FAM53B: variants seen among roughly 807,000 people sequenced by gnomAD.
FAM53B encodes protein FAM53B.
In FAM53B, 12 loss-of-function variants were observed where a neutral mutation model predicts 32.7. The observed-to-expected ratio is 0.37, with a 90% CI of 0.24 to 0.59. FAM53B has a LOEUF of 0.59. FAM53B is among the 20% of genes least tolerant of loss of function. The probability of loss-of-function intolerance (pLI) is 0.72; values close to 1 mark genes in which losing one functional copy is unlikely to be tolerated. For missense variants in FAM53B, 477 were observed against 577.7 expected, an observed-to-expected ratio of 0.83 and a Z score of 1.79; for synonymous variants, 234 against 228.7, an observed-to-expected ratio of 1.02 and a Z score of -0.21.
At chr10:124,742,030 G>A (rs1950203288) in intron 1 of FAM53B, among the ~76,000 whole-genome samples, 1 of 152,164 alleles carries the variant, frequency 6.6e-6, no homozygotes, top group South Asian at 2.1e-4. Context: ...AAGAAAATAG[G>A]AAGTCGTTGG....
At position 124,706,786 on chromosome 10, in the gene FAM53B, G is replaced by T; in HGVS notation, c.-73C>A. 6.2e-7 allele frequency: 1 copy of T among 1,608,480 alleles called. No individual in the cohort carries two copies. Among genetic ancestry groups the T allele is most frequent in the Non-Finnish European group, 8.5e-7 (1 of 1,177,004 alleles). On this transcript the variant is annotated 5_prime_UTR_variant, in exon 2 of 5. Transcript: ENST00000337318. ...ATCTTCACTTGGGCAGACTTGGGGT[G>T]AGTACCTCCTGGGGAATTGATGTCA...
intron 4 of FAM53B, among the ~76,000 whole-genome samples, chr10:124,644,260 G>T (rs1301240464): frequency 3.9e-5 from 6 of 152,176 alleles, no homozygotes; most frequent in African/African-American, 1.4e-4. Context: ...GAGTTAGCTG[G>T]GCTAGCACAG....
intron 4 of FAM53B, among the ~76,000 whole-genome samples, chr10:124,638,357 GAC>G (rs1201858675): frequency 2.0e-5 from 3 of 151,818 alleles, no homozygotes; most frequent in Non-Finnish European, 4.4e-5. Context: ...CAGCCTGGGT[GAC>G]AGAGACTCCA....
chr10:124,619,467 GCAACACCCA>G lies in FAM53B; in HGVS notation c.*3766_*3774del, dbSNP rs1949289623. ...TGGTCGCCACACTTCCTGAAGCACGGCAACACCCACAACATCCAGCTCAGGGAAGCCCCT... is the reference window on the plus strand; with the variant it reads ...TGGTCGCCACACTTCCTGAAGCACGGCAACATCCAGCTCAGGGAAGCCCCT... On this transcript the variant is annotated 3_prime_UTR_variant, in exon 5 of 5. Transcript: ENST00000337318. 1 of 152,302 alleles carries G rather than the reference GCAACACCCA, an allele frequency of 6.6e-6. No individual in the cohort carries two copies. Among genetic ancestry groups the G allele is most frequent in the Admixed American group, 6.6e-5 (1 of 15,252 alleles). 9.4% of individuals were successfully genotyped at this position (152,302 alleles called of 1,614,324 possible).
At chr10:124,666,427 C>T (rs1949673235) in intron 4 of FAM53B, among the ~76,000 whole-genome samples, 1 of 152,260 alleles carries the variant, frequency 6.6e-6, no homozygotes, top group Admixed American at 6.5e-5. Context: ...GAAGAGCTCC[C>T]TGTGGATGGG....
chr10:124,733,454 G>C lies in FAM53B; in HGVS notation c.-175+10559C>G, dbSNP rs548074456. On this transcript the variant is annotated intron_variant, in intron 1 of 4. Coordinates refer to ENST00000337318, the MANE Select transcript of FAM53B (RefSeq NM_014661.4). The surrounding 1 kb of genome is among the most constrained non-coding windows in gnomAD (Gnocchi z 4.3). Reference sequence around the variant, plus strand: ...ACACTAGTGAGAACAGGCTATGACAGAGCCCAGGGGGCACCGAAGCTCCCT... The same window carrying C: ...ACACTAGTGAGAACAGGCTATGACACAGCCCAGGGGGCACCGAAGCTCCCT... Among the ~76,000 whole-genome samples the C allele has an allele frequency of 6.0e-4, 91 of 152,264 alleles. No individual in the cohort carries two copies. The highest frequency in any genetic ancestry group is 2.1e-3 in the African/African-American group (87 of 41,532).
chr10:124,626,272 G>A (rs768115354), intron 4 of FAM53B, among the ~76,000 whole-genome samples: 12 of 152,200 alleles, frequency 7.9e-5, no homozygotes, highest in Non-Finnish European at 1.5e-4. Context: ...GGTCCTGCTC[G>A]GAGCTTCCCA....
At position 124,681,781 on chromosome 10, in the gene FAM53B, G is replaced by A. The variant is rs773662292; in HGVS notation, c.732C>T (p.Pro244=). The change falls in exon 4 of 5, where the codon CCC becomes CCT. Residue 244 remains proline, a synonymous_variant. Transcript: ENST00000337318. The part of the protein sequence containing the change: ...EQFSFVEYCP[P]SANSTPASTP... ...TTGAGGCAGGTGTGCTGTTGGCTGAGGGAGGACAGTATTCCACAAAGGAAA... is the reference window on the plus strand; with the variant it reads ...TTGAGGCAGGTGTGCTGTTGGCTGAAGGAGGACAGTATTCCACAAAGGAAA... 2 of 1,609,166 alleles carry A rather than the reference G, an allele frequency of 1.2e-6. No individual in the cohort carries two copies. The highest frequency in any genetic ancestry group is 1.7e-6 in the Non-Finnish European group (2 of 1,177,806).
rs543855222 is a variant in FAM53B, at chr10:124,719,852, G to A, written c.-174-12965C>T. Among the ~76,000 whole-genome samples the A allele has an allele frequency of 2.6e-5, 4 of 152,304 alleles. No individual in the cohort carries two copies. The South Asian group carries it at 6.2e-4, about 24-fold the overall frequency. ...TGGAGTTCAAAAATGTGCAGGAGAAGGAAAAGTTACACATCAAAAAACCAA... is the reference window on the plus strand; with the variant it reads ...TGGAGTTCAAAAATGTGCAGGAGAAAGAAAAGTTACACATCAAAAAACCAA... On this transcript the variant is annotated intron_variant, in intron 1 of 4. Transcript: ENST00000337318.
At chr10:124,643,654 G>A (rs1482333374) in intron 4 of FAM53B, among the ~76,000 whole-genome samples, 3 of 152,222 alleles carry the variant, frequency 2.0e-5, no homozygotes, top group South Asian at 2.1e-4. Context: ...CACTGGCAGC[G>A]GATTCCAAAG....
At chr10:124,689,945 A>G (rs1949823572) in intron 3 of FAM53B, among the ~76,000 whole-genome samples, 1 of 152,222 alleles carries the variant, frequency 6.6e-6, no homozygotes, top group African/African-American at 2.4e-5. Context: ...GGCGTTCATA[A>G]ATGTACAGGG....
intron 1 of FAM53B, among the ~76,000 whole-genome samples, chr10:124,732,807 G>A (rs1245651310): frequency 2.0e-5 from 3 of 151,250 alleles, no homozygotes; most frequent in Non-Finnish European, 4.4e-5. Context: ...TCCAGCCTGG[G>A]TGACAGAGTG....
At chr10:124,706,490 T>C (rs2134085567) in intron 2 of FAM53B, 146 bp downstream of exon 2, 1 of 905,624 alleles carries the variant, frequency 1.1e-6, no homozygotes, top group East Asian at 2.4e-5. Flanking sequence ...TGTGCCCTGT[T>C]GCCCCAGCCC....
intron 3 of FAM53B, among the ~76,000 whole-genome samples, chr10:124,691,501 G>T (rs1378588141): frequency 2.0e-5 from 3 of 152,110 alleles, no homozygotes; most frequent in African/African-American, 7.2e-5. Flanking sequence ...TTTAGCATAT[G>T]AATTGTTTTG....
intron 4 of FAM53B, among the ~76,000 whole-genome samples, chr10:124,629,277 C>T (rs1949375457): frequency 6.6e-6 from 1 of 152,194 alleles, no homozygotes; most frequent in Non-Finnish European, 1.5e-5. Flanking sequence ...TGGGCCCCTG[C>T]CTGCGCCAAG....
At chr10:124,721,933 G>A (rs971803829) in intron 1 of FAM53B, among the ~76,000 whole-genome samples, 2 of 152,188 alleles carry the variant, frequency 1.3e-5, no homozygotes, top group Non-Finnish European at 2.9e-5. Flanking sequence ...TGCAAAGGAC[G>A]AAACGCAGCT....
chr10:124,713,129 TC>T (rs1434576530), intron 1 of FAM53B, among the ~76,000 whole-genome samples: 3 of 152,014 alleles, frequency 2.0e-5, no homozygotes, highest in Admixed American at 6.5e-5. Flanking sequence ...CACCCTCACC[TC>T]CATTCCCATC....
chr10:124,641,516 A>T (rs972171214), intron 4 of FAM53B, among the ~76,000 whole-genome samples: 2 of 152,238 alleles, frequency 1.3e-5, no homozygotes, highest in East Asian at 3.8e-4. Context: ...TCTATCAGCA[A>T]GTGGCTACCA....
chr10:124,671,596 C>G (rs530921667), intron 4 of FAM53B, among the ~76,000 whole-genome samples: 1 of 152,202 alleles, frequency 6.6e-6, no homozygotes, highest in South Asian at 2.1e-4. Context: ...GCCTCCATAC[C>G]GCCACCACTA....
Sources: gnomAD v4.1 joint callset for allele counts (sites outside exome capture counted in the v4.1 genomes callset) on GRCh38, gnomAD v4.1.1 for gene constraint, Gnocchi (gnomAD v3.1) non-coding constraint, MANE v1.5 for transcripts, NCBI Gene and HGNC (gene_info 2026-07-23, HGNC 2026-07-21) for gene names.